Variants in PCDH9 observed in about 807,000 individuals in gnomAD.
PCDH9 encodes protocadherin-9.
A neutral mutation model predicts 70.6 loss-of-function variants in PCDH9; 24 were observed. The observed-to-expected ratio is 0.34, with a 90% confidence interval of 0.25 to 0.48. The LOEUF (loss-of-function observed/expected upper bound fraction) is 0.48. Ranked by LOEUF, PCDH9 falls within the 20% of genes least tolerant of loss-of-function variation. PCDH9 has a pLI of 0.99. For missense variants in PCDH9, 1,281 were observed against 1,503.6 expected (o/e 0.85, Z 2.45); for synonymous variants, 562 against 558.5 (o/e 1.01, Z -0.09).
At chr13:66,757,000 C>T (rs2079547884) in intron 3 of PCDH9, among the ~76,000 whole-genome samples, 1 of 152,020 alleles carries the variant, frequency 6.6e-6, no homozygotes, top group South Asian at 2.1e-4. Flanking sequence ...TCATGCTCTA[C>T]TAATTTTTGT....
chr13:67,064,260 A>C (rs2085597192), intron 2 of PCDH9, among the ~76,000 whole-genome samples: 1 of 152,088 alleles, frequency 6.6e-6, no homozygotes, highest in South Asian at 2.1e-4. Flanking sequence ...TTCTATGGCA[A>C]GTGGTTTCTC....
At chr13:67,088,402 G>A (rs938486899) in intron 2 of PCDH9, among the ~76,000 whole-genome samples, 10 of 151,906 alleles carry the variant, frequency 6.6e-5, no homozygotes, top group Admixed American at 3.9e-4. Context: ...GATACATCTC[G>A]CATAGAGAAT....
rs1370354785 is a variant in PCDH9 at position 67,083,385 on chromosome 13, G to C, written c.3036+142020C>G. 2.0e-5 allele frequency among the ~76,000 whole-genome samples: 3 copies of C among 152,046 alleles called. No homozygotes were observed. The East Asian group carries it at 5.8e-4, about 29-fold the overall frequency. On this transcript the variant is annotated intron_variant, in intron 2 of 4. Coordinates refer to ENST00000377865, the MANE Select transcript of PCDH9 (RefSeq NM_203487.3). ...TCAGCCTTACATAAGCAATTAGAGA[G>C]AGTAACAAAAATTATGTCACTGGCA...
chr13:66,656,494 T>A (rs1055158476), intron 3 of PCDH9, among the ~76,000 whole-genome samples: 58 of 152,346 alleles, frequency 3.8e-4, no homozygotes, highest in African/African-American at 1.4e-3. Context: ...TGCAGTTTTC[T>A]TTTGAAAGCT....
At chr13:66,406,177 A>G (rs1350717757) in intron 4 of PCDH9, among the ~76,000 whole-genome samples, 1 of 152,200 alleles carries the variant, frequency 6.6e-6, no homozygotes. Flanking sequence ...TGGATTAAGC[A>G]TCAGATGAAT....
At chr13:67,156,980 T>G (rs142913937) in intron 2 of PCDH9, among the ~76,000 whole-genome samples, 168 of 152,348 alleles carry the variant, frequency 1.1e-3, no homozygotes, top group Non-Finnish European at 2.1e-3. Context: ...GCCTATCGCT[T>G]TAACACATTT....
chr13:67,134,949 T>C (rs1209538568), intron 2 of PCDH9, among the ~76,000 whole-genome samples: 2 of 152,114 alleles, frequency 1.3e-5, no homozygotes, highest in Non-Finnish European at 2.9e-5. Context: ...TGTATGTAGT[T>C]AAAGGGTACC....
intron 3 of PCDH9, among the ~76,000 whole-genome samples, chr13:66,864,254 C>T (rs2081533408): frequency 6.6e-6 from 1 of 152,074 alleles, no homozygotes. Context: ...AAACATTCTG[C>T]ATGGCATGTC....
At chr13:66,593,627 CTA>C (rs1181106514) in intron 4 of PCDH9, among the ~76,000 whole-genome samples, 2 of 151,654 alleles carry the variant, frequency 1.3e-5, no homozygotes, top group Non-Finnish European at 3.0e-5. Flanking sequence ...GCCAGAAAAT[CTA>C]TTTCTCCAGT....
intron 3 of PCDH9, among the ~76,000 whole-genome samples, chr13:66,768,931 ACT>A (rs2079760806): frequency 6.6e-6 from 1 of 152,046 alleles, no homozygotes; most frequent in South Asian, 2.1e-4. Flanking sequence ...AAGCCCGTTA[ACT>A]CTATGCTGAT....
chr13:66,436,818 C>T (rs1957874500), intron 4 of PCDH9, among the ~76,000 whole-genome samples: 1 of 151,934 alleles, frequency 6.6e-6, no homozygotes, highest in African/African-American at 2.4e-5. Context: ...TTATACAAGA[C>T]AAAGCTTCAT....
In PCDH9 at chr13:66,457,705, G is replaced by A. The variant is rs118060304; in HGVS notation, c.3341-152677C>T. 7.8e-3 allele frequency among the ~76,000 whole-genome samples: 1,189 copies of A among 152,094 alleles called. 16 individuals are homozygous for A. Among genetic ancestry groups the A allele is most frequent in the East Asian group, 0.039 (200 of 5,156 alleles). ...GCGATTGCAAATTACAGCAAAGTTGGCAACCACTGAGTTATGTTGGGTCAT... is the reference window on the plus strand; with the variant it reads ...GCGATTGCAAATTACAGCAAAGTTGACAACCACTGAGTTATGTTGGGTCAT... On this transcript the variant is annotated intron_variant, in intron 4 of 4. Transcript: ENST00000377865.
chr13:66,989,518 T>TATTGTAGAAATA (rs1391373658), intron 2 of PCDH9, among the ~76,000 whole-genome samples: 1 of 151,938 alleles, frequency 6.6e-6, no homozygotes, highest in African/African-American at 2.4e-5. Flanking sequence ...GTAATGAATG[T>TATTGTAGAAATA]CACTTCCTGA....
intron 4 of PCDH9, among the ~76,000 whole-genome samples, chr13:66,615,222 C>A (rs1370757233): frequency 2.0e-5 from 3 of 152,190 alleles, no homozygotes; most frequent in African/African-American, 7.2e-5. Context: ...TTCCTAACTA[C>A]ATGGGGAGGA....
At chr13:66,492,285 C>A (rs1219438056) in intron 4 of PCDH9, among the ~76,000 whole-genome samples, 2 of 151,816 alleles carry the variant, frequency 1.3e-5, no homozygotes, top group African/African-American at 4.8e-5. Flanking sequence ...GTTCCTGAGT[C>A]TACCAGCCTT....
intron 4 of PCDH9, among the ~76,000 whole-genome samples, chr13:66,526,452 A>G (rs1960219554): frequency 6.6e-6 from 1 of 152,054 alleles, no homozygotes; most frequent in Admixed American, 6.6e-5. Context: ...AATGCTTGAA[A>G]ATCAGGACAG....
At chr13:66,921,782 C>T (rs538239653) in intron 2 of PCDH9, among the ~76,000 whole-genome samples, 1 of 151,066 alleles carries the variant, frequency 6.6e-6, no homozygotes, top group Non-Finnish European at 1.5e-5. Flanking sequence ...TTGAGTACAG[C>T]GGGGCTGAGG....
intron 4 of PCDH9, among the ~76,000 whole-genome samples, chr13:66,606,310 C>T (rs990811143): frequency 6.6e-6 from 1 of 152,030 alleles, no homozygotes; most frequent in Non-Finnish European, 1.5e-5. Flanking sequence ...TTTAACCGTG[C>T]CTCCTGTGTG....
chr13:66,559,333 C>T (rs374695871), intron 4 of PCDH9, among the ~76,000 whole-genome samples: 1 of 152,078 alleles, frequency 6.6e-6, no homozygotes, highest in Non-Finnish European at 1.5e-5. Flanking sequence ...GGAAAATTTG[C>T]CTTTGATGTT....
Sources: gnomAD v4.1 joint callset for allele counts (sites outside exome capture counted in the v4.1 genomes callset) on GRCh38, gnomAD v4.1.1 for gene constraint, MANE v1.5 for transcripts, NCBI Gene and HGNC (gene_info 2026-07-23, HGNC 2026-07-21) for gene names.